Variants in POLR1A observed in about 807,000 individuals in gnomAD.
The protein encoded by POLR1A is RNA polymerase I subunit A, also known as DNA-directed RNA polymerase I subunit RPA1.
In POLR1A, 84 loss-of-function variants were observed where a neutral mutation model predicts 205.3. The observed-to-expected ratio is 0.41, with a 90% CI of 0.34 to 0.49. The LOEUF (loss-of-function observed/expected upper bound fraction) is 0.49. Among genes scored for constraint, POLR1A ranks in the 20% least tolerant of loss-of-function variants. The pLI, the probability that POLR1A is intolerant of heterozygous loss-of-function variation, is 0.22. For missense variants in POLR1A, 1,645 were observed against 2,204.5 expected, an observed-to-expected ratio of 0.75 and a Z score of 5.08; for synonymous variants, 799 against 863.7, an observed-to-expected ratio of 0.93 and a Z score of 1.31.
intron 16 of POLR1A, among the ~76,000 whole-genome samples, chr2:86,050,188 T>C (rs977389422): frequency 3.9e-5 from 6 of 152,170 alleles, no homozygotes; most frequent in Admixed American, 3.3e-4. Flanking sequence ...AGTGCTGGGA[T>C]TGCAGGAGTG....
chr2:86,088,013 G>C (rs1249220030), intron 6 of POLR1A, among the ~76,000 whole-genome samples: 1 of 152,092 alleles, frequency 6.6e-6, no homozygotes, highest in Non-Finnish European at 1.5e-5. Context: ...TTTTAAATAA[G>C]CCTATGACTA....
Position 86,065,244 on chromosome 2 carries a change from TAC to T in POLR1A, c.2058+28_2058+29del. 3 of 1,595,516 alleles carry T rather than the reference TAC, an allele frequency of 1.9e-6. No individual in the cohort carries two copies. In the South Asian group the frequency reaches 3.3e-5, roughly 18 times the overall value. ...ACATGAGTGGCCTATTTCCTTTTGT[TAC>T]ATACACTGGCTGTTCTCTCCCAATT... On this transcript the variant is annotated intron_variant, in intron 14 of 33. Transcript: ENST00000263857.
chr2:86,045,779 A>G lies in POLR1A; in HGVS notation c.2734-10T>C. 1 of 1,601,044 alleles carries G rather than the reference A, an allele frequency of 6.2e-7. No individual in the cohort carries two copies. On this transcript the variant is annotated splice_polypyrimidine_tract_variant and intron_variant, in intron 19 of 33. Transcript: ENST00000263857. ...CCAGCAGGCACGAGATCTGGAGGAC[A>G]GGAAATCCACAGGAAACTGAAGATC...
rs535295688 is a variant in POLR1A, at chr2:86,102,571, C to T, written c.78-2399G>A. Among the ~76,000 whole-genome samples, 11 of 152,340 alleles carry T rather than the reference C, an allele frequency of 7.2e-5. No individual in the cohort carries two copies. In the South Asian group the frequency reaches 2.1e-3, roughly 29 times the overall value. ...ATATTTTCCCCCATTCCATGGGTTG[C>T]CCTTTCACTCTGCTGACTGTATCCT... On this transcript the variant is annotated intron_variant, in intron 1 of 33. Coordinates refer to ENST00000263857, the MANE Select transcript of POLR1A (RefSeq NM_015425.6).
At chr2:86,040,870 G>C (rs1485868477) in intron 24 of POLR1A, among the ~76,000 whole-genome samples, 3 of 152,100 alleles carry the variant, frequency 2.0e-5, no homozygotes, top group Non-Finnish European at 4.4e-5. Context: ...CTAAGCAGGA[G>C]AATTTCTGGG....
intron 7 of POLR1A, among the ~76,000 whole-genome samples, chr2:86,082,355 A>G (rs1673419280): frequency 6.6e-6 from 1 of 152,122 alleles, no homozygotes; most frequent in South Asian, 2.1e-4. Context: ...CTTCATAAAA[A>G]ATATGTTGAA....
chr2:86,046,952 T>C (rs1672720946), intron 19 of POLR1A, among the ~76,000 whole-genome samples: 1 of 152,244 alleles, frequency 6.6e-6, no homozygotes, highest in Non-Finnish European at 1.5e-5. Flanking sequence ...TTGTAATATA[T>C]ATCTACGTTA....
At chr2:86,057,782 G>A (rs1672922039) in intron 14 of POLR1A, among the ~76,000 whole-genome samples, 1 of 152,206 alleles carries the variant, frequency 6.6e-6, no homozygotes, top group Non-Finnish European at 1.5e-5. Flanking sequence ...GTTGTCAGGG[G>A]ATGAGAAGGA....
intron 13 of POLR1A, among the ~76,000 whole-genome samples, chr2:86,067,004 G>GT (rs905823471): frequency 9.2e-5 from 14 of 152,052 alleles, no homozygotes; most frequent in Non-Finnish European, 8.8e-5. Flanking sequence ...TTTTCCTTTT[G>GT]TTTTTTTCCT....
Position 86,020,858 on chromosome 2 carries a change from T to C in POLR1A, c.*6565A>G, listed in dbSNP as rs1401281540. On this transcript the variant is annotated 3_prime_UTR_variant, in exon 34 of 34. Transcript: ENST00000263857. The stretch of plus-strand genomic sequence containing the variant: ...CCCCTGGGGGGCAAATTGCCCCAAG[T>C]TGAGAACCACTTAGTGTATAGGTAA... The C allele has an allele frequency of 6.6e-6, 1 of 152,260 alleles. No individual in the cohort carries two copies. Among genetic ancestry groups the C allele is most frequent in the Non-Finnish European group, 1.5e-5 (1 of 68,042 alleles). 9.4% of individuals were successfully genotyped at this position (152,260 alleles called of 1,614,324 possible). A position where few individuals can be genotyped will look rare whatever the true frequency, so the allele number is the denominator to read the frequency against.
intron 1 of POLR1A, 44 bp downstream of exon 1, chr2:86,105,656 A>T: frequency 1.5e-6 from 2 of 1,363,630 alleles, no homozygotes; most frequent in Non-Finnish European, 2.1e-6. Context: ...TAGGGCGCCG[A>T]CCTCAAGATC....
chr2:86,027,204 A>G lies in POLR1A; in HGVS notation c.*219T>C. On this transcript the variant is annotated 3_prime_UTR_variant, in exon 34 of 34. Coordinates refer to ENST00000263857, the MANE Select transcript of POLR1A (RefSeq NM_015425.6). ...GGTAAACCTTGATAAAAATCCAGAG[A>G]CAGGGAGGGGCAAGGATGAGCAACT... 1.7e-6 allele frequency: 1 copy of G among 585,372 alleles called. No individual in the cohort carries two copies. Among genetic ancestry groups the G allele is most frequent in the Non-Finnish European group, 3.1e-6 (1 of 327,588 alleles). The allele number at this position is 585,372 out of a possible 1,614,324, so 36.3% of individuals were successfully genotyped here. A position where few individuals can be genotyped will look rare whatever the true frequency, so the allele number is the denominator to read the frequency against.
chr2:86,028,697 G>T lies in POLR1A; in HGVS notation c.4794C>A (p.Arg1598=). ...CGTGGATGTCGTTGGAGTAGAGGCG[G>T]CGCAGATCCAGGACCTGGAGAGAGG... ...LFKYAEVLDL[R]RLYSNDIHAI... Residue 1598 remains arginine, a synonymous_variant, in exon 32 of 34, where the codon CGC becomes CGA. Transcript: ENST00000263857. The surrounding 1 kb of genome is among the most constrained non-coding windows in gnomAD (Gnocchi z 4.5). 6.2e-7 allele frequency: 1 copy of T among 1,613,872 alleles called. No homozygotes were observed. The highest frequency in any genetic ancestry group is 8.5e-7 in the Non-Finnish European group (1 of 1,179,712).
chr2:86,032,339 T>A lies in POLR1A; in HGVS notation c.4205A>T (p.Asp1402Val), dbSNP rs773380495. ...GGCGTCCCCCTCCTCAGCTTCAGCA[T>A]CCACAATGTGCCCCTCCTCTTCCTC... is the stretch of plus-strand genomic sequence containing the variant. ...GDEEEEGHIV[D>V]AEAEEGDADA... Residue 1402 changes from aspartate to valine, a missense_variant, in exon 29 of 34, where the codon GAT becomes GTT. Asp to Val is a radical substitution (Grantham distance 152). This residue lies in a region of POLR1A where 394 missense variants were observed against 468.5 expected (regional missense o/e 0.84). Coordinates refer to ENST00000263857, the MANE Select transcript of POLR1A (RefSeq NM_015425.6). 1 of 1,613,830 alleles carries A rather than the reference T, an allele frequency of 6.2e-7. No individual in the cohort carries two copies. The highest frequency in any genetic ancestry group is 1.1e-5 in the South Asian group (1 of 91,066).
At chr2:86,052,284 G>T (rs895620057) in intron 16 of POLR1A, among the ~76,000 whole-genome samples, 2 of 152,200 alleles carry the variant, frequency 1.3e-5, no homozygotes, top group African/African-American at 4.8e-5. Flanking sequence ...CCCCTCTGTG[G>T]AGTGGGATGG....
intron 16 of POLR1A, among the ~76,000 whole-genome samples, chr2:86,051,728 T>C (rs1484517593): frequency 5.3e-5 from 8 of 152,226 alleles, no homozygotes; most frequent in Non-Finnish European, 2.9e-5. Context: ...AGATCTGATC[T>C]CAAGCCCACA....
intron 14 of POLR1A, among the ~76,000 whole-genome samples, chr2:86,055,092 C>T (rs182644236): frequency 9.0e-4 from 137 of 152,282 alleles, no homozygotes; most frequent in African/African-American, 3.2e-3. Flanking sequence ...GTCAAGAGAT[C>T]GAGACCATCC....
At chr2:86,105,611 T>C (rs1412733442) in intron 1 of POLR1A, 89 bp downstream of exon 1, 9 of 836,104 alleles carry the variant, frequency 1.1e-5, no homozygotes, top group South Asian at 4.3e-5. Context: ...CTCAAGAGGA[T>C]AGACTGGGCA....
At chr2:86,027,790 G>A in intron 33 of POLR1A, 95 bp downstream of exon 33, 1 of 1,382,576 alleles carries the variant, frequency 7.2e-7, no homozygotes, top group East Asian at 2.3e-5. Context: ...GATCCCACTG[G>A]TGTGCAAGGA....
Sources: allele counts gnomAD v4.1 joint callset (sites outside exome capture counted in the v4.1 genomes callset), GRCh38; gene constraint gnomAD v4.1.1; regional missense constraint gnomAD v4.1.1; non-coding constraint Gnocchi (gnomAD v3.1); transcripts MANE v1.5; gene names NCBI Gene and HGNC (gene_info 2026-07-23, HGNC 2026-07-21).